XKR9: variants seen among roughly 807,000 people sequenced by gnomAD.
The protein encoded by XKR9 is XK-related protein 9.
In XKR9, 32 loss-of-function variants were observed where a neutral mutation model predicts 32.0. The ratio of observed to expected loss-of-function variants is 1.00; its 90% CI spans 0.76 to 1.34. XKR9 has a LOEUF of 1.34. Ranked by LOEUF, XKR9 falls within the 40% of genes most tolerant of loss-of-function variation. The pLI, the probability that XKR9 is intolerant of heterozygous loss-of-function variation, is 0.00. For synonymous variants in XKR9, 168 were observed against 143.4 expected (o/e 1.17, Z -1.22); for missense variants, 546 against 429.7 (o/e 1.27, Z -2.39).
chr8:70,733,779 A>G lies in XKR9; in HGVS notation c.494-17A>G. On this transcript the variant is annotated splice_polypyrimidine_tract_variant and intron_variant, in intron 4 of 4. Coordinates refer to ENST00000408926, the MANE Select transcript of XKR9 (RefSeq NM_001011720.2). ...TTATTCCTATAACAATATATTTTTTATTTTTTTGTTTTGTAGATGCGGCCA... is the reference window on the plus strand; with the variant it reads ...TTATTCCTATAACAATATATTTTTTGTTTTTTTGTTTTGTAGATGCGGCCA... The G allele has an allele frequency of 6.6e-7, 1 of 1,509,802 alleles. No individual in the cohort carries two copies. The highest frequency in any genetic ancestry group is 1.4e-5 in the South Asian group (1 of 72,760). The allele number at this position is 1,509,802 out of a possible 1,614,324, so 93.5% of individuals were successfully genotyped here. A position where few individuals can be genotyped will look rare whatever the true frequency, so the allele number is the denominator to read the frequency against.
the XKR9 span, among the ~76,000 whole-genome samples, chr8:71,001,275 A>G: frequency 6.6e-6 from 1 of 152,216 alleles, no homozygotes; most frequent in South Asian, 2.1e-4. Flanking sequence ...TTATTTATTT[A>G]TTTAGAGACA....
chr8:70,931,756 A>G, the XKR9 span, among the ~76,000 whole-genome samples: 1 of 152,214 alleles, frequency 6.6e-6, no homozygotes, highest in African/African-American at 2.4e-5. Context: ...TGTGAGAGAA[A>G]GCAAGAGAGA....
chr8:70,784,714 G>A (rs538865437), intron 2 of XKR9, among the ~76,000 whole-genome samples: 1 of 151,868 alleles, frequency 6.6e-6, no homozygotes, highest in South Asian at 2.1e-4. Flanking sequence ...AATTTCCCTG[G>A]CAACCACTTG....
the XKR9 span, among the ~76,000 whole-genome samples, chr8:71,029,023 C>A: frequency 1.3e-5 from 2 of 152,112 alleles, no homozygotes; most frequent in Non-Finnish European, 2.9e-5. Context: ...ATTCCTCTGG[C>A]TCCTTCTGTC....
At chr8:70,923,231 C>A in the XKR9 span, among the ~76,000 whole-genome samples, 1 of 152,324 alleles carries the variant, frequency 6.6e-6, no homozygotes, top group East Asian at 1.9e-4. Context: ...TCTTTCTTGA[C>A]AACAGTTAAC....
At chr8:70,809,669 C>T in the XKR9 span, among the ~76,000 whole-genome samples, 6 of 151,994 alleles carry the variant, frequency 3.9e-5, no homozygotes, top group Non-Finnish European at 5.9e-5. Flanking sequence ...GTAGCTGATT[C>T]GATCAACTGG....
chr8:70,803,101 T>C, the XKR9 span, among the ~76,000 whole-genome samples: 3 of 152,220 alleles, frequency 2.0e-5, no homozygotes, highest in Admixed American at 1.3e-4. Flanking sequence ...ATGACATAGA[T>C]TTGGTCTCTT....
chr8:71,025,606 A>T, the XKR9 span, among the ~76,000 whole-genome samples: 1 of 152,226 alleles, frequency 6.6e-6, no homozygotes, highest in South Asian at 2.1e-4. Context: ...CCTTCTTCCC[A>T]TCAGTGTCAC....
At chr8:70,913,214 T>A in the XKR9 span, among the ~76,000 whole-genome samples, 17 of 152,306 alleles carry the variant, frequency 1.1e-4, no homozygotes, top group African/African-American at 4.1e-4. Flanking sequence ...CCAGCTGATT[T>A]TTGTGTACAT....
At chr8:70,873,111 G>A in the XKR9 span, among the ~76,000 whole-genome samples, 17 of 152,194 alleles carry the variant, frequency 1.1e-4, no homozygotes, top group Non-Finnish European at 1.8e-4. Context: ...ATAGTTTACT[G>A]AATAGTTTAA....
At chr8:71,050,280 GA>G in the XKR9 span, among the ~76,000 whole-genome samples, 1 of 130,342 alleles carries the variant, frequency 7.7e-6, no homozygotes, top group African/African-American at 3.1e-5. Flanking sequence ...GATAGATATA[GA>G]TATAGATATA....
chr8:70,829,343 C>T, the XKR9 span, among the ~76,000 whole-genome samples: 1 of 152,208 alleles, frequency 6.6e-6, no homozygotes, highest in South Asian at 2.1e-4. Flanking sequence ...ACTTTTATTT[C>T]CATGAACTGC....
At chr8:70,777,855 C>A (rs1424462783) in intron 2 of XKR9, among the ~76,000 whole-genome samples, 1 of 151,840 alleles carries the variant, frequency 6.6e-6, no homozygotes, top group Admixed American at 6.6e-5. Context: ...GGATAATAGC[C>A]CTTTGTCAGA....
intron 3 of XKR9, among the ~76,000 whole-genome samples, chr8:70,700,856 C>A (rs952264739): frequency 6.6e-6 from 1 of 152,232 alleles, no homozygotes; most frequent in African/African-American, 2.4e-5. Context: ...AGCTTCCCAG[C>A]TGCTTTGTTT....
Position 70,780,372 on chromosome 8 carries a change from T to C in XKR9, n.353-8967T>C, listed in dbSNP as rs1807597994. 2.0e-5 allele frequency among the ~76,000 whole-genome samples: 3 copies of C among 152,290 alleles called. No homozygotes were observed. In the East Asian group the frequency reaches 5.8e-4, roughly 29 times the overall value. On this transcript the variant is annotated intron_variant and non_coding_transcript_variant, in intron 2 of 3. Coordinates refer to the XKR9 transcript ENST00000520273. ...TTTCTAATATAACCATTTAAAGCTA[T>C]AAATTTTCTTCAAAACGTTGTTTTA...
chr8:70,738,625 C>CTA (rs1806906712), downstream of XKR9, among the ~76,000 whole-genome samples: 1 of 151,886 alleles, frequency 6.6e-6, no homozygotes, highest in South Asian at 2.1e-4. Context: ...AAATTTCCCT[C>CTA]TATACACTGC....
the XKR9 span, among the ~76,000 whole-genome samples, chr8:70,867,248 C>T: frequency 2.0e-5 from 3 of 152,040 alleles, no homozygotes; most frequent in Non-Finnish European, 4.4e-5. Context: ...TATTCACTAC[C>T]AGGAGAACAG....
At chr8:71,011,192 TA>T in the XKR9 span, among the ~76,000 whole-genome samples, 1 of 152,064 alleles carries the variant, frequency 6.6e-6, no homozygotes, top group African/African-American at 2.4e-5. Context: ...ACGAGCAAAA[TA>T]TGATTTATAG....
At chr8:70,703,192 T>G (rs1046378364) in intron 3 of XKR9, among the ~76,000 whole-genome samples, 16 of 152,010 alleles carry the variant, frequency 1.1e-4, no homozygotes, top group African/African-American at 3.9e-4. Context: ...CTCTCTCTTT[T>G]CTTCTAGGAT....
Sources: gnomAD v4.1 joint callset for allele counts (sites outside exome capture counted in the v4.1 genomes callset) on GRCh38, gnomAD v4.1.1 for gene constraint, MANE v1.5 for transcripts, NCBI Gene and HGNC (gene_info 2026-07-23, HGNC 2026-07-21) for gene names.